Variants in TUBB3 observed in about 807,000 individuals in gnomAD.
TUBB3 encodes the protein tubulin beta 3 class III, also known as tubulin beta-3 chain.
Under a neutral mutation model 37.8 loss-of-function variants are expected in TUBB3, and 17 were observed. That is an observed-to-expected ratio of 0.45 (90% CI 0.31 to 0.67). The LOEUF is 0.67. TUBB3 is among the 30% of genes least tolerant of loss of function. TUBB3 has a pLI of 0.07. For missense variants in TUBB3, 262 were observed against 657.9 expected, an observed-to-expected ratio of 0.40 and a Z score of 6.58; for synonymous variants, 332 against 278.9, an observed-to-expected ratio of 1.19 and a Z score of -1.90.
intron 1 of TUBB3, among the ~76,000 whole-genome samples, chr16:89,924,545 G>A (rs906309470): frequency 8.5e-5 from 13 of 152,222 alleles, no homozygotes; most frequent in African/African-American, 3.1e-4. Flanking sequence ...TGGGAAGGAG[G>A]GGGTGCAGGA....
At chr16:89,929,482 G>A (rs866377604) in intron 1 of TUBB3, among the ~76,000 whole-genome samples, 4 of 152,074 alleles carry the variant, frequency 2.6e-5, no homozygotes, top group Admixed American at 6.6e-5. Context: ...TGCTGTCCGC[G>A]TTACAATAAT....
rs370194126 is a variant in TUBB3 at position 89,935,069 on chromosome 16, G to T, written c.618G>T (p.Ala206=). Residue 206 remains alanine, a synonymous_variant, in exon 4 of 4, where the codon GCG becomes GCT. Transcript: ENST00000315491. The stretch of plus-strand genomic sequence containing the variant: ...AGACCTACTGCATCGACAACGAGGC[G>T]CTCTACGACATCTGCTTCCGCACCC... ...TDETYCIDNE[A]LYDICFRTLK... is the part of the protein sequence containing the mutation. 6.2e-7 allele frequency: 1 copy of T among 1,614,148 alleles called. No individual in the cohort carries two copies. The highest frequency in any genetic ancestry group is 1.1e-5 in the South Asian group (1 of 91,082).
At position 89,923,487 on chromosome 16, in the gene TUBB3, G is replaced by T. The variant is rs373149314; in HGVS notation, c.57+29G>T. On this transcript the variant is annotated intron_variant, in intron 1 of 3. Coordinates refer to ENST00000315491, the MANE Select transcript of TUBB3 (RefSeq NM_006086.4). ...AGGCTGCGCGCCCCGGCCTGTCCCG[G>T]GCCCCGGGGCGGGAGGAGGGAGGCG... The T allele has an allele frequency of 1.1e-3, 1,620 of 1,420,772 alleles. 7 individuals are homozygous for T. Among genetic ancestry groups the T allele is most frequent in the South Asian group, 3.8e-3 (262 of 69,472 alleles). The allele number at this position is 1,420,772 out of a possible 1,614,324, so 88.0% of individuals were successfully genotyped here. A position where few individuals can be genotyped will look rare whatever the true frequency, so the allele number is the denominator to read the frequency against.
chr16:89,929,923 A>C (rs1448864864), intron 1 of TUBB3, among the ~76,000 whole-genome samples: 1 of 150,526 alleles, frequency 6.6e-6, no homozygotes, highest in East Asian at 2.0e-4. Flanking sequence ...CTGGTCTTGA[A>C]CTCCTGACCT....
chr16:89,924,873 G>A lies in TUBB3; in HGVS notation c.57+1415G>A, dbSNP rs79945190. On this transcript the variant is annotated intron_variant, in intron 1 of 3. Coordinates refer to ENST00000315491, the MANE Select transcript of TUBB3 (RefSeq NM_006086.4). ...GCCTTGGCCTGATGGGAGGGGCTGA[G>A]GGCTCATTAATGTGGTCACTGGGGC... Among the ~76,000 whole-genome samples the A allele has an allele frequency of 1.6e-4, 24 of 152,118 alleles. No individual in the cohort carries two copies. The South Asian group carries it at 2.3e-3, about 14-fold the overall frequency.
At position 89,935,342 on chromosome 16, in the gene TUBB3, G is replaced by A; in HGVS notation, c.891G>A (p.Lys297=). 6.2e-7 allele frequency: 1 copy of A among 1,613,968 alleles called. No individual in the cohort carries two copies. Among genetic ancestry groups the A allele is most frequent in the Non-Finnish European group, 8.5e-7 (1 of 1,180,002 alleles). The part of the protein sequence containing the change: ...PELTQQMFDA[K]NMMAACDPRH... ...TCACCCAGCAGATGTTCGATGCCAA[G>A]AACATGATGGCCGCCTGCGACCCGC... Residue 297 remains lysine (K), a synonymous_variant, in exon 4 of 4, where the codon AAG becomes AAA. Coordinates refer to ENST00000315491, the MANE Select transcript of TUBB3 (RefSeq NM_006086.4).
chr16:89,930,279 A>G (rs977491109), intron 1 of TUBB3, among the ~76,000 whole-genome samples: 1 of 150,130 alleles, frequency 6.7e-6, no homozygotes, highest in African/African-American at 2.5e-5. Flanking sequence ...TAATTTTTGT[A>G]TTTTTGGGAG....
chr16:89,928,319 C>A (rs184003017), intron 1 of TUBB3, among the ~76,000 whole-genome samples: 1 of 151,560 alleles, frequency 6.6e-6, no homozygotes, highest in Non-Finnish European at 1.5e-5. Context: ...GCCTCCCAAA[C>A]TGCTGGGATT....
rs758099244 is a variant in TUBB3 at position 89,935,366 on chromosome 16, G to C, written c.915G>C (p.Pro305=). 6.2e-7 allele frequency: 1 copy of C among 1,614,068 alleles called. No homozygotes were observed. The highest frequency in any genetic ancestry group is 8.5e-7 in the Non-Finnish European group (1 of 1,180,034). ...AGAACATGATGGCCGCCTGCGACCC[G>C]CGCCACGGCCGCTACCTGACGGTGG... ...DAKNMMAACD[P]RHGRYLTVAT... Residue 305 remains proline (P), a synonymous_variant, in exon 4 of 4, where the codon CCG becomes CCC. Coordinates refer to ENST00000315491, the MANE Select transcript of TUBB3 (RefSeq NM_006086.4).
Position 89,923,357 on chromosome 16 carries a change from G to C in TUBB3, c.-45G>C, listed in dbSNP as rs753460300. On this transcript the variant is annotated 5_prime_UTR_variant, in exon 1 of 4. Transcript: ENST00000315491. ...GTCCCCGACCCTCAGCAGCCAGCCC[G>C]GCCCGCCCGCGCCCGTCCGCAGCCG... The C allele has an allele frequency of 6.3e-6, 9 of 1,432,122 alleles. No homozygotes were observed. In the African/African-American group the frequency reaches 7.5e-5, roughly 12 times the overall value. The allele number at this position is 1,432,122 out of a possible 1,614,324, so 88.7% of individuals were successfully genotyped here. A position where few individuals can be genotyped will look rare whatever the true frequency, so the allele number is the denominator to read the frequency against.
intron 1 of TUBB3, 144 bp downstream of exon 1, chr16:89,923,602 A>G: frequency 2.5e-6 from 2 of 786,482 alleles, no homozygotes; most frequent in South Asian, 9.8e-5. Context: ...GGCGGCCGGG[A>G]CGCGGGGCCC....
intron 2 of TUBB3, chr16:89,933,192 T>C: frequency 1.5e-6 from 1 of 664,008 alleles, no homozygotes; most frequent in South Asian, 1.5e-5. Context: ...CCTCCCAAAG[T>C]GTTGGGAGTG....
chr16:89,926,063 C>T (rs1261434021), intron 1 of TUBB3, among the ~76,000 whole-genome samples: 1 of 152,188 alleles, frequency 6.6e-6, no homozygotes, highest in African/African-American at 2.4e-5. Flanking sequence ...AGGGGCGGGC[C>T]GGGCTATGCA....
At chr16:89,932,533 G>A (rs185068590) in intron 1 of TUBB3, 38 bp from the exon 2 acceptor site, 1 of 1,567,886 alleles carries the variant, frequency 6.4e-7, no homozygotes, top group Admixed American at 1.7e-5. Flanking sequence ...TGGGGCTATG[G>A]GCCGGTGCCG....
At chr16:89,932,089 A>T in intron 1 of TUBB3, 2 of 297,464 alleles carry the variant, frequency 6.7e-6, no homozygotes, top group Non-Finnish European at 6.7e-6. Flanking sequence ...TTGCTCTCCC[A>T]TGGAGGGGCA....
At chr16:89,932,790 C>T (rs2030323910) in intron 2 of TUBB3, 111 bp downstream of exon 2, 1 of 886,500 alleles carries the variant, frequency 1.1e-6, no homozygotes, top group Admixed American at 2.0e-5. Flanking sequence ...TCTCTGTCCT[C>T]CCATGGGTTA....
intron 1 of TUBB3, among the ~76,000 whole-genome samples, chr16:89,928,732 G>A (rs2030174615): frequency 1.3e-5 from 2 of 151,892 alleles, no homozygotes; most frequent in African/African-American, 2.4e-5. Context: ...CACTGTGCCA[G>A]CCAGGATGGT....
intron 1 of TUBB3, among the ~76,000 whole-genome samples, chr16:89,924,592 C>T (rs994763104): frequency 6.6e-6 from 1 of 151,978 alleles, no homozygotes; most frequent in Non-Finnish European, 1.5e-5. Flanking sequence ...AGAAAGGCAG[C>T]CTCCGGAGGC....
intron 2 of TUBB3, 146 bp downstream of exon 2, chr16:89,932,825 T>C (rs1439592154): frequency 7.2e-6 from 5 of 696,722 alleles, no homozygotes; most frequent in Non-Finnish European, 1.0e-5. Flanking sequence ...CCAGCAGGCG[T>C]AACTGGATGT....
Sources: gnomAD v4.1 joint callset for allele counts (sites outside exome capture counted in the v4.1 genomes callset) on GRCh38, gnomAD v4.1.1 for gene constraint, MANE v1.5 for transcripts, NCBI Gene and HGNC (gene_info 2026-07-23, HGNC 2026-07-21) for gene names.